The following FNDC3A variants were observed in gnomAD, a reference collection of about 807,000 sequenced individuals.
The protein encoded by FNDC3A is fibronectin type III domain containing 3A, also known as fibronectin type-III domain-containing protein 3A.
FNDC3A carries 32 observed loss-of-function variants against 148.9 expected under a neutral mutation model. The observed-to-expected ratio is 0.21, with a 90% confidence interval of 0.16 to 0.29. The LOEUF is 0.29. FNDC3A is among the 10% of genes least tolerant of loss of function. The pLI is 1.00. For missense variants in FNDC3A, 1,191 were observed against 1,452.8 expected (o/e 0.82, Z 2.93); for synonymous variants, 472 against 473.6 (o/e 1.00, Z 0.04).
At chr13:48,979,287 G>C (rs1306688512) in intron 1 of FNDC3A, among the ~76,000 whole-genome samples, 1 of 152,154 alleles carries the variant, frequency 6.6e-6, no homozygotes, top group African/African-American at 2.4e-5. Context: ...TAGACTAATA[G>C]TATCATTAGC....
intron 2 of FNDC3A, chr13:49,044,126 T>A: frequency 5.1e-6 from 1 of 197,872 alleles, no homozygotes; most frequent in South Asian, 1.1e-4. Context: ...CTTCCGTGTC[T>A]CCTTGGGATG....
At chr13:49,161,809 G>C (rs1264613441) in intron 8 of FNDC3A, among the ~76,000 whole-genome samples, 1 of 152,102 alleles carries the variant, frequency 6.6e-6, no homozygotes, top group African/African-American at 2.4e-5. Flanking sequence ...GGTGGTGACA[G>C]AATCTCTCAG....
At chr13:49,096,740 C>T (rs1566247217) in intron 3 of FNDC3A, among the ~76,000 whole-genome samples, 1 of 151,926 alleles carries the variant, frequency 6.6e-6, no homozygotes, top group East Asian at 1.9e-4. Flanking sequence ...CAGCCTAGTA[C>T]AACAGACAGA....
chr13:49,122,534 A>C (rs996914482), intron 4 of FNDC3A, among the ~76,000 whole-genome samples: 1 of 152,144 alleles, frequency 6.6e-6, no homozygotes, highest in African/African-American at 2.4e-5. Context: ...AGAGTTTTCA[A>C]ATAGGAAGAG....
intron 8 of FNDC3A, among the ~76,000 whole-genome samples, chr13:49,166,117 C>T (rs1363115971): frequency 1.3e-5 from 2 of 152,178 alleles, no homozygotes; most frequent in Admixed American, 6.5e-5. Context: ...CAGGTGGAGG[C>T]GGCAGTGGCT....
In FNDC3A at chr13:49,175,483, C is replaced by T. The variant is rs773929005; in HGVS notation, c.1472C>T (p.Ser491Leu). The T allele has an allele frequency of 6.2e-7, 1 of 1,612,726 alleles. No homozygotes were observed. The highest frequency in any genetic ancestry group is 1.1e-5 in the South Asian group (1 of 90,962). The change falls in exon 13 of 26, where the codon TCA (serine) becomes TTA (leucine). Residue 491 changes from serine (S) to leucine (L), a missense_variant. By Grantham distance (145) the Ser-to-Leu change is moderately radical. This residue lies in a region of FNDC3A where 751 missense variants were observed against 944.0 expected (regional missense o/e 0.80). Transcript: ENST00000492622. ...TTATCCTTACAATGGAGTAAGCCCT[C>T]AGGAACACCATCAGATGAAGGAATT... ...TWLSLQWSKP[S>L]GTPSDEGISY...
chr13:49,142,040 G>A (rs1388451797), intron 7 of FNDC3A, among the ~76,000 whole-genome samples: 1 of 152,078 alleles, frequency 6.6e-6, no homozygotes, highest in Non-Finnish European at 1.5e-5. Flanking sequence ...CCTACTTTAG[G>A]TGGTAGTTGT....
In FNDC3A at chr13:49,119,163, G is replaced by A. The variant is rs892474058; in HGVS notation, c.252+4432G>A. Among the ~76,000 whole-genome samples the A allele has an allele frequency of 3.9e-5, 6 of 152,290 alleles. No homozygotes were observed. The East Asian group carries it at 5.8e-4, about 15-fold the overall frequency. Reference sequence around the variant, plus strand: ...ACAGAGCTTCCAGAGGAAAGAACAGGCAGCAGTCTTTGCTGTTCTGCAGCC... The same window carrying A: ...ACAGAGCTTCCAGAGGAAAGAACAGACAGCAGTCTTTGCTGTTCTGCAGCC... On this transcript the variant is annotated intron_variant, in intron 4 of 25. Transcript: ENST00000492622.
chr13:49,084,531 G>C (rs1031661462), intron 3 of FNDC3A, among the ~76,000 whole-genome samples: 10 of 152,178 alleles, frequency 6.6e-5, no homozygotes, highest in African/African-American at 2.4e-4. Context: ...TCACCTGGGT[G>C]ATGATCATTT....
intron 2 of FNDC3A, among the ~76,000 whole-genome samples, chr13:49,037,120 C>T (rs1220685154): frequency 6.6e-6 from 1 of 152,140 alleles, no homozygotes; most frequent in Non-Finnish European, 1.5e-5. Flanking sequence ...GTCCACTTGG[C>T]TAGGCTAGAG....
intron 1 of FNDC3A, among the ~76,000 whole-genome samples, chr13:48,998,595 G>A (rs1374102338): frequency 6.6e-6 from 1 of 152,100 alleles, no homozygotes; most frequent in African/African-American, 2.4e-5. Flanking sequence ...AACACTTTTG[G>A]TCCCAAGCAT....
At chr13:49,043,745 C>T in intron 2 of FNDC3A, among the ~76,000 whole-genome samples, 1 of 151,744 alleles carries the variant, frequency 6.6e-6, no homozygotes, top group Non-Finnish European at 1.5e-5. Flanking sequence ...TTTACAACCC[C>T]CCATAAACTT....
intron 7 of FNDC3A, among the ~76,000 whole-genome samples, chr13:49,143,957 C>G (rs1408378847): frequency 1.3e-5 from 2 of 151,034 alleles, no homozygotes; most frequent in Non-Finnish European, 2.9e-5. Context: ...CCATCCTGGG[C>G]AACATAGCAA....
At chr13:49,088,303 A>G (rs888981863) in intron 3 of FNDC3A, among the ~76,000 whole-genome samples, 1 of 152,162 alleles carries the variant, frequency 6.6e-6, no homozygotes, top group Admixed American at 6.6e-5. Context: ...TTTTTCCTCA[A>G]AATATTTTTT....
intron 2 of FNDC3A, chr13:49,046,611 T>C: frequency 6.1e-6 from 1 of 163,002 alleles, no homozygotes. Context: ...ACAGATATTC[T>C]TTTAAATTTT....
intron 13 of FNDC3A, among the ~76,000 whole-genome samples, chr13:49,175,944 A>G (rs574400004): frequency 1.9e-4 from 29 of 152,300 alleles, no homozygotes; most frequent in African/African-American, 7.0e-4. Context: ...TTCTGCATCT[A>G]TCGAGATAAT....
chr13:49,106,556 C>T (rs774879679), intron 3 of FNDC3A, among the ~76,000 whole-genome samples: 1 of 152,188 alleles, frequency 6.6e-6, no homozygotes, highest in Non-Finnish European at 1.5e-5. Context: ...CTCAAGTGAT[C>T]CACCTCAGCT....
intron 2 of FNDC3A, among the ~76,000 whole-genome samples, chr13:49,034,583 G>C (rs1480272927): frequency 6.6e-6 from 1 of 151,952 alleles, no homozygotes; most frequent in African/African-American, 2.4e-5. Flanking sequence ...ATGAAAACTT[G>C]TGTTTTTGAG....
intron 3 of FNDC3A, among the ~76,000 whole-genome samples, chr13:49,112,441 A>G (rs1023433122): frequency 6.6e-6 from 1 of 152,214 alleles, no homozygotes. Context: ...GCCTAGAGGT[A>G]TAAAGCAGCT....
Sources: allele counts gnomAD v4.1 joint callset (sites outside exome capture counted in the v4.1 genomes callset), GRCh38; gene constraint gnomAD v4.1.1; regional missense constraint gnomAD v4.1.1; transcripts MANE v1.5; gene names NCBI Gene and HGNC (gene_info 2026-07-23, HGNC 2026-07-21).